The following LARGE1 variants were observed in gnomAD, a reference collection of about 807,000 sequenced individuals.
LARGE1 encodes xylosyl- and glucuronyltransferase LARGE1.
In LARGE1, 43 loss-of-function variants were observed where a neutral mutation model predicts 87.6. The ratio of observed to expected loss-of-function variants is 0.49; its 90% confidence interval spans 0.38 to 0.63. LARGE1 has a LOEUF of 0.63. Among genes scored for constraint, LARGE1 ranks in the 30% least tolerant of loss-of-function variants. The pLI is 0.00. For missense variants in LARGE1, 802 were observed against 1,000.2 expected (o/e 0.80, Z 2.67); for synonymous variants, 434 against 394.6 (o/e 1.10, Z -1.18).
chr22:33,282,200 C>T (rs1930569244), intron 13 of LARGE1, among the ~76,000 whole-genome samples: 1 of 152,138 alleles, frequency 6.6e-6, no homozygotes, highest in Non-Finnish European at 1.5e-5. Flanking sequence ...ACAAAATTTG[C>T]CGGGCATGGT....
At position 33,283,345 on chromosome 22, in the gene LARGE1, C is replaced by A. The variant is rs1215431986; in HGVS notation, c.1734G>T (p.Lys578Asn). ...PMYGLYEYLR[K>N]SVIQLDLANT... The stretch of plus-strand genomic sequence containing the variant: ...TGGCAAGATCGAGCTGGATGACAGA[C>A]TTCCTGAAAAGAGGGGACAGGCAGA... The change falls in exon 13 of 15, where the codon AAG (lysine) becomes AAT (asparagine). Residue 578 changes from lysine (K) to asparagine (N), a missense_variant. This residue lies in a region of LARGE1 where 625 missense variants were observed against 841.9 expected (regional missense o/e 0.74). Coordinates refer to ENST00000397394, the MANE Select transcript of LARGE1 (RefSeq NM_133642.5). 1 of 1,614,176 alleles carries A rather than the reference C, an allele frequency of 6.2e-7. No homozygotes were observed. The highest frequency in any genetic ancestry group is 2.2e-5 in the East Asian group (1 of 44,884).
intron 9 of LARGE1, among the ~76,000 whole-genome samples, chr22:33,371,460 A>G (rs1193024367): frequency 6.6e-6 from 1 of 152,204 alleles, no homozygotes; most frequent in African/African-American, 2.4e-5. Context: ...GATAAGTAGG[A>G]CTAATTTAAT....
chr22:33,634,779 G>A (rs2080218913), intron 3 of LARGE1, among the ~76,000 whole-genome samples: 1 of 152,106 alleles, frequency 6.6e-6, no homozygotes, highest in African/African-American at 2.4e-5. Flanking sequence ...CAATAACCTA[G>A]GCAATTCCTG....
Position 33,332,329 on chromosome 22 carries a change from CTCT to C in LARGE1, c.1287+5314_1287+5316del, listed in dbSNP as rs534929895. 5.9e-5 allele frequency among the ~76,000 whole-genome samples: 9 copies of C among 152,298 alleles called. No homozygotes were observed. In the South Asian group the frequency reaches 1.9e-3, roughly 32 times the overall value. On this transcript the variant is annotated intron_variant, in intron 10 of 14. Transcript: ENST00000397394. ...CCCTTTCACTTGGTTCTCATTCTCT[CTCT>C]TGCCTGCCACTGTGTAAGACGTCCC...
At chr22:33,585,054 T>G (rs1602568870) in intron 5 of LARGE1, among the ~76,000 whole-genome samples, 1 of 152,014 alleles carries the variant, frequency 6.6e-6, no homozygotes, top group Admixed American at 6.6e-5. Context: ...GAGGTGGAGG[T>G]TGCAGTGAGC....
chr22:33,643,624 G>C lies in LARGE1; in HGVS notation c.408+6743C>G, dbSNP rs139701962. 3.0e-3 allele frequency among the ~76,000 whole-genome samples: 451 copies of C among 152,270 alleles called. 2 individuals are homozygous for C. The highest frequency in any genetic ancestry group is 0.01 in the African/African-American group (433 of 41,556). On this transcript the variant is annotated intron_variant, in intron 3 of 14. Transcript: ENST00000397394. ...TTCAAAAAAATCAGTGAATCCAGGA[G>C]TTGGTCTTTTGAAAAGATTAACAAA... is the stretch of plus-strand genomic sequence containing the variant.
chr22:33,731,274 A>G (rs1406762874), intron 2 of LARGE1, among the ~76,000 whole-genome samples: 1 of 152,108 alleles, frequency 6.6e-6, no homozygotes, highest in Non-Finnish European at 1.5e-5. Flanking sequence ...AAGTGCTCGG[A>G]TTACAGGCAT....
At chr22:33,147,469 T>C in the LARGE1 span, among the ~76,000 whole-genome samples, 1 of 152,314 alleles carries the variant, frequency 6.6e-6, no homozygotes, top group East Asian at 1.9e-4. Context: ...ATAATTACGT[T>C]TTAGTTTATT....
intron 3 of LARGE1, among the ~76,000 whole-genome samples, chr22:33,638,257 A>G (rs2080326658): frequency 6.6e-6 from 1 of 152,254 alleles, no homozygotes; most frequent in South Asian, 2.1e-4. Flanking sequence ...AGGACCCAGA[A>G]TATAGGTGAG....
Position 33,337,661 on chromosome 22 carries a change from A to T in LARGE1, c.1272T>A (p.Asp424Glu). 1.9e-6 allele frequency: 3 copies of T among 1,614,122 alleles called. No individual in the cohort carries two copies. Among genetic ancestry groups the T allele is most frequent in the Non-Finnish European group, 2.5e-6 (3 of 1,180,034 alleles). ...AGCCACTTACGTTTTCACTGTTGAC[A>T]TCAGCCTCACTGGGGCAGCCAAACA... is the stretch of plus-strand genomic sequence containing the variant. ...RELFGCPSEA[D>E]VNSENLQKQL... Residue 424 changes from aspartate (D) to glutamate (E), a missense_variant, in exon 10 of 15, where the codon GAT becomes GAA. Asp to Glu is a conservative substitution (Grantham distance 45). This residue lies in a region of LARGE1 where 625 missense variants were observed against 841.9 expected (regional missense o/e 0.74). Transcript: ENST00000397394.
At chr22:33,632,158 T>C (rs535455703) in intron 3 of LARGE1, among the ~76,000 whole-genome samples, 1 of 152,324 alleles carries the variant, frequency 6.6e-6, no homozygotes, top group African/African-American at 2.4e-5. Context: ...AGTCTCGATC[T>C]ATCGCCCAGG....
chr22:33,558,064 C>A (rs1333979177), intron 6 of LARGE1, among the ~76,000 whole-genome samples: 1 of 152,126 alleles, frequency 6.6e-6, no homozygotes, highest in African/African-American at 2.4e-5. Flanking sequence ...AGAATTTCAT[C>A]TTTTAAAATT....
chr22:33,567,256 A>G (rs957325384), intron 5 of LARGE1, among the ~76,000 whole-genome samples: 12 of 152,188 alleles, frequency 7.9e-5, no homozygotes, highest in African/African-American at 2.9e-4. Context: ...CTCATTTTTA[A>G]AAGTTGGTAA....
intron 11 of LARGE1, among the ~76,000 whole-genome samples, chr22:33,192,158 T>C (rs560911514): frequency 7.9e-5 from 12 of 152,346 alleles, no homozygotes; most frequent in African/African-American, 2.4e-4. Context: ...AGTGACTACA[T>C]AAAATTTTGT....
chr22:33,741,284 T>A (rs889245941), intron 2 of LARGE1, among the ~76,000 whole-genome samples: 3 of 152,124 alleles, frequency 2.0e-5, no homozygotes, highest in African/African-American at 7.2e-5. Flanking sequence ...CTCCCTTGGG[T>A]AGGTTAAAAA....
the LARGE1 span, among the ~76,000 whole-genome samples, chr22:33,099,328 A>G: frequency 6.6e-6 from 1 of 151,444 alleles, no homozygotes; most frequent in Non-Finnish European, 1.5e-5. Flanking sequence ...ATCTCAGCTC[A>G]CCACAACCTC....
At chr22:33,451,923 C>CA (rs1246626000) in intron 6 of LARGE1, among the ~76,000 whole-genome samples, 1 of 152,194 alleles carries the variant, frequency 6.6e-6, no homozygotes, top group Non-Finnish European at 1.5e-5. Flanking sequence ...TGACAACATA[C>CA]AACGTTTGGT....
chr22:33,485,945 T>C lies in LARGE1; in HGVS notation c.788-53680A>G, dbSNP rs183239107. 3.5e-4 allele frequency among the ~76,000 whole-genome samples: 53 copies of C among 152,342 alleles called. 2 individuals carry two copies. The East Asian group carries it at 9.6e-3, about 28-fold the overall frequency. On this transcript the variant is annotated intron_variant, in intron 6 of 14. Coordinates refer to ENST00000397394, the MANE Select transcript of LARGE1 (RefSeq NM_133642.5). ...TCTGTTTTGTTTGCTGCTACACCTC[T>C]GAGGCCCAGGGATACATACGCCCTG...
At chr22:33,462,407 A>G (rs1273800805) in intron 6 of LARGE1, among the ~76,000 whole-genome samples, 1 of 152,224 alleles carries the variant, frequency 6.6e-6, no homozygotes, top group Non-Finnish European at 1.5e-5. Flanking sequence ...AGGAGGAAGG[A>G]AAATAATCCC....
Sources: allele counts gnomAD v4.1 joint callset (sites outside exome capture counted in the v4.1 genomes callset), GRCh38; gene constraint gnomAD v4.1.1; regional missense constraint gnomAD v4.1.1; transcripts MANE v1.5; gene names NCBI Gene and HGNC (gene_info 2026-07-23, HGNC 2026-07-21).